Variants in VSTM4 observed in about 807,000 individuals in gnomAD.
The protein encoded by VSTM4 is V-set and transmembrane domain-containing protein 4.
Under a neutral mutation model 36.4 loss-of-function variants are expected in VSTM4, and 20 were observed. That is an observed-to-expected ratio of 0.55 (90% CI 0.39 to 0.80). The LOEUF is 0.80. Among genes scored for constraint, VSTM4 ranks in the 30% least tolerant of loss-of-function variants. The pLI, the probability that VSTM4 is intolerant of heterozygous loss-of-function variation, is 0.00. For missense variants in VSTM4, 392 were observed against 404.5 expected (o/e 0.97, Z 0.26); for synonymous variants, 182 against 173.9 (o/e 1.05, Z -0.37).
intron 3 of VSTM4, among the ~76,000 whole-genome samples, chr10:49,079,909 C>T (rs1844249247): frequency 6.7e-6 from 1 of 148,306 alleles, no homozygotes; most frequent in Non-Finnish European, 1.5e-5. Context: ...AAATTGAGAT[C>T]ATATACTTTC....
At chr10:49,089,027 G>A (rs1443412479) in intron 2 of VSTM4, among the ~76,000 whole-genome samples, 1 of 152,204 alleles carries the variant, frequency 6.6e-6, no homozygotes, top group African/African-American at 2.4e-5. Context: ...TGGGTGAAAT[G>A]TATGCCTTTT....
chr10:49,046,306 G>A (rs1268755604), intron 7 of VSTM4, among the ~76,000 whole-genome samples: 1 of 152,158 alleles, frequency 6.6e-6, no homozygotes, highest in Non-Finnish European at 1.5e-5. Flanking sequence ...CTCTTCAAAA[G>A]TGTCAAGGCC....
At chr10:49,077,477 A>G (rs1262516185) in intron 3 of VSTM4, 151 bp from the exon 4 acceptor site, 1 of 687,918 alleles carries the variant, frequency 1.5e-6, no homozygotes, top group African/African-American at 1.8e-5. Context: ...GACACAGATC[A>G]ATGAAACAGA....
chr10:49,104,954 G>C (rs921855618), intron 2 of VSTM4, among the ~76,000 whole-genome samples: 3 of 148,586 alleles, frequency 2.0e-5, no homozygotes, highest in African/African-American at 4.9e-5. Context: ...GACACAGAGG[G>C]AGAGAGACAG....
intron 4 of VSTM4, among the ~76,000 whole-genome samples, chr10:49,071,174 A>G (rs1488806917): frequency 6.6e-6 from 1 of 152,210 alleles, no homozygotes; most frequent in Non-Finnish European, 1.5e-5. Flanking sequence ...ATGAGTACAG[A>G]GAAAGAAGCC....
At chr10:49,106,224 G>A (rs576299957) in intron 2 of VSTM4, among the ~76,000 whole-genome samples, 2 of 152,166 alleles carry the variant, frequency 1.3e-5, no homozygotes, top group South Asian at 4.2e-4. Flanking sequence ...CTTTAAAAAG[G>A]CTTGTCAAAA....
chr10:49,043,036 C>T (rs1180171983), intron 7 of VSTM4, among the ~76,000 whole-genome samples: 1 of 152,008 alleles, frequency 6.6e-6, no homozygotes, highest in African/African-American at 2.4e-5. Flanking sequence ...AGCAAGGAGG[C>T]CAGTGTGGCT....
At chr10:49,067,468 AG>A (rs1843993610) in intron 4 of VSTM4, among the ~76,000 whole-genome samples, 1 of 152,244 alleles carries the variant, frequency 6.6e-6, no homozygotes, top group Non-Finnish European at 1.5e-5. Context: ...ATTTGGAGAT[AG>A]GGTCTTTAAA....
At chr10:49,020,570 G>A in intron 7 of VSTM4, among the ~76,000 whole-genome samples, 1 of 152,006 alleles carries the variant, frequency 6.6e-6, no homozygotes, top group Non-Finnish European at 1.5e-5. Context: ...GCTTAAACAA[G>A]ACAGTTTGCT....
At chr10:49,040,377 G>A (rs1446702895) in intron 7 of VSTM4, among the ~76,000 whole-genome samples, 1 of 152,014 alleles carries the variant, frequency 6.6e-6, no homozygotes, top group Non-Finnish European at 1.5e-5. Context: ...CCATTTCCCG[G>A]GTTCAAGCGA....
intron 5 of VSTM4, among the ~76,000 whole-genome samples, chr10:49,050,345 C>A (rs978465327): frequency 6.6e-6 from 1 of 152,050 alleles, no homozygotes; most frequent in African/African-American, 2.4e-5. Flanking sequence ...AGATGTGAGA[C>A]AGGACAGGGA....
intron 7 of VSTM4, among the ~76,000 whole-genome samples, chr10:49,035,723 A>G (rs569348233): frequency 1.3e-5 from 2 of 150,462 alleles, no homozygotes; most frequent in South Asian, 2.1e-4. Flanking sequence ...CTGTGGTACC[A>G]GCTACTTGGG....
At chr10:49,051,361 G>A (rs894419538) in intron 5 of VSTM4, among the ~76,000 whole-genome samples, 11 of 149,192 alleles carry the variant, frequency 7.4e-5, no homozygotes, top group Non-Finnish European at 1.6e-4. Flanking sequence ...CCCTTCCTCC[G>A]TGACTTCTCA....
At chr10:49,078,041 C>A (rs889889401) in intron 3 of VSTM4, among the ~76,000 whole-genome samples, 3 of 151,476 alleles carry the variant, frequency 2.0e-5, no homozygotes, top group Admixed American at 6.6e-5. Context: ...GTACAGGTGG[C>A]AAACAATCCC....
At chr10:49,045,354 G>GA (rs1401998661) in intron 7 of VSTM4, among the ~76,000 whole-genome samples, 1 of 151,930 alleles carries the variant, frequency 6.6e-6, no homozygotes, top group East Asian at 1.9e-4. Context: ...ATAAACAAAT[G>GA]AAAAAAGGGG....
intron 7 of VSTM4, among the ~76,000 whole-genome samples, chr10:49,029,867 C>A (rs1843318808): frequency 6.6e-6 from 1 of 152,174 alleles, no homozygotes; most frequent in African/African-American, 2.4e-5. Flanking sequence ...GGCCACAGAA[C>A]CCAAGACTTC....
chr10:49,035,272 CT>C (rs1843410152), intron 7 of VSTM4, among the ~76,000 whole-genome samples: 2 of 152,208 alleles, frequency 1.3e-5, no homozygotes, highest in Non-Finnish European at 2.9e-5. Flanking sequence ...ACCTTGCCCC[CT>C]GCCTATCAGC....
At chr10:49,073,470 A>T (rs1844118934) in intron 4 of VSTM4, among the ~76,000 whole-genome samples, 1 of 152,212 alleles carries the variant, frequency 6.6e-6, no homozygotes, top group African/African-American at 2.4e-5. Flanking sequence ...TACACCCCAG[A>T]CAGAGCATGG....
chr10:49,088,911 A>G (rs1844422909), intron 2 of VSTM4, among the ~76,000 whole-genome samples: 1 of 152,220 alleles, frequency 6.6e-6, no homozygotes, highest in South Asian at 2.1e-4. Context: ...CATGTGGTCC[A>G]CGGGCCAGCA....
Sources: gnomAD v4.1 joint callset for allele counts (sites outside exome capture counted in the v4.1 genomes callset) on GRCh38, gnomAD v4.1.1 for gene constraint, MANE v1.5 for transcripts, NCBI Gene and HGNC (gene_info 2026-07-23, HGNC 2026-07-21) for gene names.